Variants in CDH18 observed in about 807,000 individuals in gnomAD.
CDH18 encodes the protein cadherin 18, also known as cadherin-18.
Under a neutral mutation model 67.9 loss-of-function variants are expected in CDH18, and 31 were observed. The ratio of observed to expected loss-of-function variants is 0.46; its 90% CI spans 0.34 to 0.62. The LOEUF (loss-of-function observed/expected upper bound fraction) is 0.62, where lower values mean the gene tolerates loss of function less well. Ranked by LOEUF, CDH18 falls within the 20% of genes least tolerant of loss-of-function variation. The pLI is 0.01. For synonymous variants in CDH18, 362 were observed against 347.2 expected, an observed-to-expected ratio of 1.04 and a Z score of -0.48; for missense variants, 890 against 975.5, an observed-to-expected ratio of 0.91 and a Z score of 1.17.
At chr5:19,955,646 T>A (rs1796189856) in intron 2 of CDH18, among the ~76,000 whole-genome samples, 1 of 152,026 alleles carries the variant, frequency 6.6e-6, no homozygotes, top group Admixed American at 6.6e-5. Context: ...TTATAGCACA[T>A]ACTGGACATT....
chr5:20,130,655 A>G (rs1391316020), intron 2 of CDH18, among the ~76,000 whole-genome samples: 5 of 152,020 alleles, frequency 3.3e-5, no homozygotes, highest in African/African-American at 1.2e-4. Flanking sequence ...AACAGTTTTG[A>G]GTCGGCAGGC....
intron 3 of CDH18, among the ~76,000 whole-genome samples, chr5:19,825,405 C>A (rs1337852155): frequency 6.6e-6 from 1 of 152,082 alleles, no homozygotes; most frequent in African/African-American, 2.4e-5. Flanking sequence ...ATGGGCTACA[C>A]CCACTAGAGC....
At chr5:19,814,057 T>G (rs1779025615) in intron 3 of CDH18, among the ~76,000 whole-genome samples, 1 of 151,852 alleles carries the variant, frequency 6.6e-6, no homozygotes, top group Non-Finnish European at 1.5e-5. Context: ...TTTGTGTGTG[T>G]GCAGATTTTA....
At chr5:20,090,499 C>T (rs1410750714) in intron 2 of CDH18, among the ~76,000 whole-genome samples, 2 of 152,048 alleles carry the variant, frequency 1.3e-5, no homozygotes, top group Non-Finnish European at 2.9e-5. Context: ...CATGCTGTTG[C>T]ACTCCAGCCT....
At chr5:20,479,237 C>T (rs1194981193) in intron 1 of CDH18, among the ~76,000 whole-genome samples, 1 of 152,028 alleles carries the variant, frequency 6.6e-6, no homozygotes, top group Non-Finnish European at 1.5e-5. Context: ...GCATCAAGAA[C>T]ATACAGGAAA....
rs533381319 is a variant in CDH18 at position 20,491,329 on chromosome 5, T to A, written c.-580+84133A>T. 5.3e-5 allele frequency among the ~76,000 whole-genome samples: 8 copies of A among 152,162 alleles called. No homozygotes were observed. In the South Asian group the frequency reaches 1.7e-3, roughly 32 times the overall value. ...ATATTTCCACAAGAAAACCAGGTAATGATCGTAAGTTTAGTAATTCTTAAC... is the reference window on the plus strand; with the variant it reads ...ATATTTCCACAAGAAAACCAGGTAAAGATCGTAAGTTTAGTAATTCTTAAC... On this transcript the variant is annotated intron_variant, in intron 1 of 14. Coordinates refer to the CDH18 transcript ENST00000507958.
chr5:19,798,374 A>T (rs189818090), intron 3 of CDH18, among the ~76,000 whole-genome samples: 21 of 152,170 alleles, frequency 1.4e-4, no homozygotes, highest in South Asian at 6.2e-4. Flanking sequence ...GTTAATTTGC[A>T]ATTATCTCAA....
rs561082441 is a variant in CDH18, at chr5:20,362,060, T to A, written c.-579-106555A>T. 1.2e-3 allele frequency among the ~76,000 whole-genome samples: 183 copies of A among 152,268 alleles called. 1 individual carries two copies. The highest frequency in any genetic ancestry group is 4.2e-3 in the African/African-American group (175 of 41,558). ...TTGATAACCTAATAAATGAGGGAAG[T>A]ATACGTACATATTCTTCCCCAAAGG... On this transcript the variant is annotated intron_variant, in intron 1 of 14. Coordinates refer to the CDH18 transcript ENST00000507958.
chr5:19,685,947 T>G (rs986540652), intron 5 of CDH18, among the ~76,000 whole-genome samples: 1 of 152,072 alleles, frequency 6.6e-6, no homozygotes, highest in African/African-American at 2.4e-5. Flanking sequence ...CCAAACTGAC[T>G]GCAAAGGAGA....
At chr5:19,501,462 A>C (rs1743232301) in intron 11 of CDH18, among the ~76,000 whole-genome samples, 1 of 150,334 alleles carries the variant, frequency 6.7e-6, no homozygotes, top group Non-Finnish European at 1.5e-5. Flanking sequence ...ACAAACAAGC[A>C]AACAAAAAAC....
chr5:20,482,797 A>G (rs1238333291), intron 1 of CDH18, among the ~76,000 whole-genome samples: 1 of 152,100 alleles, frequency 6.6e-6, no homozygotes, highest in African/African-American at 2.4e-5. Flanking sequence ...GCCGTATTCA[A>G]CAGACCCACA....
intron 2 of CDH18, among the ~76,000 whole-genome samples, chr5:20,213,019 A>G (rs1740473326): frequency 6.6e-6 from 1 of 152,152 alleles, no homozygotes; most frequent in South Asian, 2.1e-4. Context: ...TAAGAAACCT[A>G]GATTTCAGCC....
intron 2 of CDH18, among the ~76,000 whole-genome samples, chr5:19,923,117 A>G (rs1048470985): frequency 2.2e-4 from 33 of 152,094 alleles, no homozygotes; most frequent in African/African-American, 8.0e-4. Context: ...CATAATGTAA[A>G]CCCTACTGCT....
intron 1 of CDH18, among the ~76,000 whole-genome samples, chr5:20,331,896 G>C (rs963813640): frequency 7.2e-5 from 11 of 152,086 alleles, no homozygotes; most frequent in Non-Finnish European, 1.6e-4. Flanking sequence ...AGAGAAGAAG[G>C]GTCTCTTCAC....
At chr5:19,784,397 G>A (rs1775475255) in intron 3 of CDH18, among the ~76,000 whole-genome samples, 1 of 152,064 alleles carries the variant, frequency 6.6e-6, no homozygotes, top group African/African-American at 2.4e-5. Flanking sequence ...TTCCGATATT[G>A]GGCATGTTGA....
chr5:19,881,622 C>T (rs1355109568), intron 2 of CDH18, among the ~76,000 whole-genome samples: 1 of 151,630 alleles, frequency 6.6e-6, no homozygotes, highest in African/African-American at 2.4e-5. Flanking sequence ...GATTCTCCTG[C>T]CTCAGCCTTC....
intron 1 of CDH18, among the ~76,000 whole-genome samples, chr5:20,289,702 A>T (rs1580676040): frequency 6.6e-6 from 1 of 151,846 alleles, no homozygotes. Context: ...TATATATTAA[A>T]ATATATATTT....
At chr5:20,251,955 T>C (rs1041316059) in intron 2 of CDH18, among the ~76,000 whole-genome samples, 21 of 152,186 alleles carry the variant, frequency 1.4e-4, no homozygotes, top group Admixed American at 1.2e-3. Flanking sequence ...ATATAGAATA[T>C]GCGTGATGAA....
At chr5:20,425,953 G>A (rs1748270700) in intron 1 of CDH18, among the ~76,000 whole-genome samples, 2 of 151,016 alleles carry the variant, frequency 1.3e-5, no homozygotes, top group African/African-American at 4.9e-5. Context: ...CTTGTGAATA[G>A]ACTCTATGCC....
Sources: allele counts gnomAD v4.1 joint callset (sites outside exome capture counted in the v4.1 genomes callset), GRCh38; gene constraint gnomAD v4.1.1; transcripts MANE v1.5; gene names NCBI Gene and HGNC (gene_info 2026-07-23, HGNC 2026-07-21).